Variants in GLYATL2 observed in about 807,000 individuals in gnomAD.
GLYATL2 encodes glycine-N-acyltransferase like 2.
In GLYATL2, 25 loss-of-function variants were observed where a neutral mutation model predicts 21.4. The ratio of observed to expected loss-of-function variants is 1.17; its 90% CI spans 0.85 to 1.63. The LOEUF is 1.63. Ranked by LOEUF, GLYATL2 falls within the 40% of genes most tolerant of loss-of-function variation. The pLI, the probability that GLYATL2 is intolerant of heterozygous loss-of-function variation, is 0.00. For synonymous variants in GLYATL2, 114 were observed against 118.2 expected (o/e 0.96, Z 0.23); for missense variants, 361 against 343.3 (o/e 1.05, Z -0.41).
At chr11:58,901,975 A>G (rs1325428409) in intron 1 of GLYATL2, among the ~76,000 whole-genome samples, 5 of 152,022 alleles carry the variant, frequency 3.3e-5, no homozygotes, top group African/African-American at 1.2e-4. Context: ...TCTTTACTTG[A>G]AGAGAGAGAG....
chr11:58,872,187 C>T (rs1854134618), intron 1 of GLYATL2, among the ~76,000 whole-genome samples: 1 of 152,080 alleles, frequency 6.6e-6, no homozygotes, highest in South Asian at 2.1e-4. Flanking sequence ...GATATTAGCC[C>T]TTTGTCAGAT....
chr11:58,873,901 G>A (rs1026098395), intron 1 of GLYATL2, among the ~76,000 whole-genome samples: 1 of 152,142 alleles, frequency 6.6e-6, no homozygotes, highest in Non-Finnish European at 1.5e-5. Flanking sequence ...ATTCGGCTGT[G>A]AATCCATCTG....
At chr11:58,836,228 AT>A (rs566656809) in intron 5 of GLYATL2, among the ~76,000 whole-genome samples, 33 of 151,556 alleles carry the variant, frequency 2.2e-4, no homozygotes, top group Admixed American at 1.1e-3. Context: ...TATCCACCTT[AT>A]TTTTTTTCAT....
chr11:58,891,452 A>G (rs1854542067), intron 1 of GLYATL2, among the ~76,000 whole-genome samples: 2 of 152,342 alleles, frequency 1.3e-5, no homozygotes, highest in South Asian at 4.1e-4. Flanking sequence ...CTATTTGAGT[A>G]GGCTGATATC....
chr11:58,874,002 G>A (rs139699754), intron 1 of GLYATL2, among the ~76,000 whole-genome samples: 1,763 of 152,152 alleles, frequency 0.012, 13 homozygotes, highest in Non-Finnish European at 0.016. Flanking sequence ...ACTTCTTCCC[G>A]GTTTAGTCTT....
rs116244781 is a variant in GLYATL2 at position 58,877,549 on chromosome 11, G to A, written n.60+26607C>T. 5.4e-3 allele frequency among the ~76,000 whole-genome samples: 819 copies of A among 152,286 alleles called. 9 individuals carry two copies. The highest frequency in any genetic ancestry group is 0.019 in the African/African-American group (787 of 41,558). On this transcript the variant is annotated intron_variant and non_coding_transcript_variant, in intron 1 of 4. Coordinates refer to the GLYATL2 transcript ENST00000533636. Reference sequence around the variant, plus strand: ...ATTAAGAAATTGGGGAGAAAAGAAGGGTCCACAGAGGAGACTGCGAAGAAG... The same window carrying A: ...ATTAAGAAATTGGGGAGAAAAGAAGAGTCCACAGAGGAGACTGCGAAGAAG...
intron 1 of GLYATL2, among the ~76,000 whole-genome samples, chr11:58,864,178 G>A (rs1265182268): frequency 5.9e-5 from 9 of 152,162 alleles, no homozygotes; most frequent in Non-Finnish European, 1.2e-4. Context: ...TCAGCCTGGA[G>A]GTTGGATCTA....
Position 58,844,568 on chromosome 11 carries a change from A to G in GLYATL2, c.-175T>C, listed in dbSNP as rs934326629. ...CAACTGACTCACGTTGTCACTGTTA[A>G]GCATAAAGCTTCAGGAAGTTATGGG... On this transcript the variant is annotated 5_prime_UTR_variant, in exon 1 of 6. Transcript: ENST00000287275. 3.9e-5 allele frequency: 6 copies of G among 152,232 alleles called. No homozygotes were observed. Among genetic ancestry groups the G allele is most frequent in the Non-Finnish European group, 8.8e-5 (6 of 68,046 alleles). 9.4% of individuals were successfully genotyped at this position (152,232 alleles called of 1,614,324 possible). A position where few individuals can be genotyped will look rare whatever the true frequency, so the allele number is the denominator to read the frequency against.
intron 1 of GLYATL2, among the ~76,000 whole-genome samples, chr11:58,900,133 C>T (rs116802890): frequency 3.4e-4 from 52 of 152,232 alleles, no homozygotes; most frequent in African/African-American, 1.2e-3. Context: ...GCAACTAGCC[C>T]CATGCCTTGT....
upstream of GLYATL2, among the ~76,000 whole-genome samples, chr11:58,905,019 G>T (rs1450407528): frequency 6.6e-6 from 1 of 152,198 alleles, no homozygotes; most frequent in South Asian, 2.1e-4. Flanking sequence ...CCCATGCAAA[G>T]CACTTACTTG....
At chr11:58,902,553 T>G (rs1482739890) in intron 1 of GLYATL2, among the ~76,000 whole-genome samples, 3 of 152,200 alleles carry the variant, frequency 2.0e-5, no homozygotes, top group Non-Finnish European at 4.4e-5. Context: ...GAAGCATCTT[T>G]TAGGGGTTCA....
intron 1 of GLYATL2, among the ~76,000 whole-genome samples, chr11:58,866,701 CCT>C (rs1424609246): frequency 6.7e-5 from 10 of 149,116 alleles, no homozygotes; most frequent in Admixed American, 1.4e-4. Flanking sequence ...TGGTCAGTTC[CCT>C]GTTGAACAGA....
chr11:58,874,279 T>A (rs1272539634), intron 1 of GLYATL2, among the ~76,000 whole-genome samples: 3 of 152,190 alleles, frequency 2.0e-5, no homozygotes, highest in Non-Finnish European at 4.4e-5. Context: ...TTTTTGTGTC[T>A]CTATTTCCTT....
At chr11:58,849,773 C>A (rs1853707257) in intron 1 of GLYATL2, among the ~76,000 whole-genome samples, 1 of 152,092 alleles carries the variant, frequency 6.6e-6, no homozygotes, top group Non-Finnish European at 1.5e-5. Context: ...ACATCATACA[C>A]TGGAGCCTGC....
At chr11:58,899,227 A>G (rs1045734014) in intron 1 of GLYATL2, among the ~76,000 whole-genome samples, 5 of 152,154 alleles carry the variant, frequency 3.3e-5, no homozygotes, top group African/African-American at 7.2e-5. Flanking sequence ...CATAAAATGA[A>G]TGGACATTCC....
chr11:58,873,152 C>A (rs1304915576), intron 1 of GLYATL2, among the ~76,000 whole-genome samples: 7 of 150,626 alleles, frequency 4.6e-5, no homozygotes, highest in Non-Finnish European at 1.0e-4. Context: ...TGAGACTTTG[C>A]TGAAGTTGTT....
chr11:58,872,127 GTTGT>G (rs1389127684), intron 1 of GLYATL2, among the ~76,000 whole-genome samples: 3 of 152,084 alleles, frequency 2.0e-5, no homozygotes, highest in African/African-American at 2.4e-5. Flanking sequence ...TTTTGATGGG[GTTGT>G]TTGTTTGTTT....
chr11:58,872,532 G>GA lies in GLYATL2; in HGVS notation n.60+31623dup, dbSNP rs1289183706. Among the ~76,000 whole-genome samples the GA allele has an allele frequency of 1.3e-5, 2 of 152,148 alleles. 1 individual carries two copies. The highest frequency in any genetic ancestry group is 4.8e-5 in the African/African-American group (2 of 41,440). ...AGCCAGTTTTCCCAGCACCATTTAT[G>GA]AAATAGGGAATTCTTTCCCCATTGC... On this transcript the variant is annotated intron_variant and non_coding_transcript_variant, in intron 1 of 4. Coordinates refer to the GLYATL2 transcript ENST00000533636.
intron 1 of GLYATL2, among the ~76,000 whole-genome samples, chr11:58,886,679 T>G (rs550272): frequency 0.71 from 107,277 of 151,706 alleles, 40,470 homozygotes; most frequent in Middle Eastern, 0.87. Flanking sequence ...TAAGCTGAAA[T>G]AGTAATACAA....
Sources: gnomAD v4.1 joint callset for allele counts (sites outside exome capture counted in the v4.1 genomes callset) on GRCh38, gnomAD v4.1.1 for gene constraint, MANE v1.5 for transcripts, NCBI Gene and HGNC (gene_info 2026-07-23, HGNC 2026-07-21) for gene names.